Variants in MAP3K13 observed in about 807,000 individuals in gnomAD.
The protein encoded by MAP3K13 is leucine zipper-bearing kinase.
A neutral mutation model predicts 104.0 loss-of-function variants in MAP3K13; 52 were observed. The ratio of observed to expected loss-of-function variants is 0.50; its 90% CI spans 0.40 to 0.63. MAP3K13 has a LOEUF of 0.63. Among genes scored for constraint, MAP3K13 ranks in the 20% least tolerant of loss-of-function variants. The pLI, the probability that MAP3K13 is intolerant of heterozygous loss-of-function variation, is 0.00. For synonymous variants in MAP3K13, 394 were observed against 442.2 expected, an observed-to-expected ratio of 0.89 and a Z score of 1.37; for missense variants, 914 against 1,218.5, an observed-to-expected ratio of 0.75 and a Z score of 3.72.
chr3:185,398,559 A>AGATTGAGTTCT (rs1712565164), intron 1 of MAP3K13, among the ~76,000 whole-genome samples: 1 of 152,238 alleles, frequency 6.6e-6, no homozygotes, highest in African/African-American at 2.4e-5. Flanking sequence ...TGAGTTCTGA[A>AGATTGAGTTCT]GAGCAGGGAC....
chr3:185,447,448 C>T lies in MAP3K13; in HGVS notation c.852-341C>T, dbSNP rs142728066. On this transcript the variant is annotated intron_variant, in intron 4 of 13. Coordinates refer to ENST00000265026, the MANE Select transcript of MAP3K13 (RefSeq NM_004721.5). ...GGCAGAGGTTGCAGTCAGCTGAGATCGTGCCATTGCACTCCAGCCTGGGCG... is the reference window on the plus strand; with the variant it reads ...GGCAGAGGTTGCAGTCAGCTGAGATTGTGCCATTGCACTCCAGCCTGGGCG... Among the ~76,000 whole-genome samples the T allele has an allele frequency of 1.0e-2, 1,276 of 127,936 alleles. 21 individuals carry two copies. The highest frequency in any genetic ancestry group is 0.034 in the African/African-American group (1,155 of 33,910). The allele number at this position is 127,936 out of a possible 152,430, so 83.9% of individuals were successfully genotyped here.
At chr3:185,379,366 G>C (rs1232710819) in intron 1 of MAP3K13, among the ~76,000 whole-genome samples, 1 of 152,194 alleles carries the variant, frequency 6.6e-6, no homozygotes, top group Non-Finnish European at 1.5e-5. Flanking sequence ...TAAGAGAAGG[G>C]AGAGATTGAA....
intron 7 of MAP3K13, among the ~76,000 whole-genome samples, chr3:185,452,693 C>T (rs968906416): frequency 2.0e-5 from 3 of 152,158 alleles, no homozygotes; most frequent in African/African-American, 7.2e-5. Context: ...GCTGGCTGGT[C>T]CTAGGACGGT....
At chr3:185,402,751 A>T (rs1370308865) in intron 1 of MAP3K13, among the ~76,000 whole-genome samples, 1 of 152,134 alleles carries the variant, frequency 6.6e-6, no homozygotes, top group African/African-American at 2.4e-5. Context: ...CGCATGTGTA[A>T]AAAACCCAGC....
chr3:185,346,471 G>A (rs1157157042), intron 2 of MAP3K13, among the ~76,000 whole-genome samples: 1 of 152,108 alleles, frequency 6.6e-6, no homozygotes, highest in Admixed American at 6.5e-5. Context: ...ATTTTTACCT[G>A]TTCCTATACA....
chr3:185,425,090 C>CA (rs1714338888), intron 1 of MAP3K13, among the ~76,000 whole-genome samples: 1 of 152,146 alleles, frequency 6.6e-6, no homozygotes, highest in African/African-American at 2.4e-5. Flanking sequence ...ATTCAATAAA[C>CA]ACATTTTGAA....
chr3:185,353,005 G>A (rs532859802), intron 2 of MAP3K13, among the ~76,000 whole-genome samples: 5 of 152,312 alleles, frequency 3.3e-5, no homozygotes, highest in South Asian at 2.1e-4. Flanking sequence ...ACAATTACAC[G>A]TAATGGAAAA....
intron 11 of MAP3K13, 61 bp from the exon 12 acceptor site, chr3:185,477,265 G>A: frequency 9.7e-7 from 1 of 1,027,944 alleles, no homozygotes; most frequent in Non-Finnish European, 1.5e-6. Flanking sequence ...TAGTGGGGAT[G>A]GGGTGAGAGA....
intron 2 of MAP3K13, among the ~76,000 whole-genome samples, chr3:185,433,384 T>A (rs1338742136): frequency 6.6e-6 from 1 of 152,214 alleles, no homozygotes; most frequent in Non-Finnish European, 1.5e-5. Context: ...AGTTTGGGAC[T>A]AACTCTAGAG....
chr3:185,438,067 C>A (rs1715140125), intron 3 of MAP3K13, among the ~76,000 whole-genome samples: 2 of 152,186 alleles, frequency 1.3e-5, no homozygotes, highest in South Asian at 4.2e-4. Flanking sequence ...CCAAGGCAGG[C>A]AGATCACTTG....
intron 2 of MAP3K13, among the ~76,000 whole-genome samples, chr3:185,351,802 C>T (rs1042988950): frequency 1.3e-5 from 2 of 152,100 alleles, no homozygotes; most frequent in African/African-American, 4.8e-5. Flanking sequence ...AATTTGGTGC[C>T]TCATAAAAGG....
chr3:185,360,022 A>G (rs1723539763), upstream of MAP3K13, among the ~76,000 whole-genome samples: 2 of 151,410 alleles, frequency 1.3e-5, no homozygotes, highest in South Asian at 2.1e-4. Context: ...ATAGATTTTT[A>G]TCTAATAATG....
intron 7 of MAP3K13, among the ~76,000 whole-genome samples, chr3:185,459,252 C>A (rs1485301325): frequency 2.0e-5 from 3 of 152,004 alleles, no homozygotes; most frequent in Admixed American, 6.6e-5. Context: ...AGTCGTGTGC[C>A]CAGAAAGGGT....
chr3:185,392,023 G>A (rs1370552850), intron 1 of MAP3K13, among the ~76,000 whole-genome samples: 2 of 152,068 alleles, frequency 1.3e-5, no homozygotes, highest in Admixed American at 6.6e-5. Context: ...TAGAGAATTC[G>A]ACTTTCAGAA....
At chr3:185,345,336 C>T (rs923133748) in intron 2 of MAP3K13, among the ~76,000 whole-genome samples, 1 of 152,192 alleles carries the variant, frequency 6.6e-6, no homozygotes, top group East Asian at 1.9e-4. Flanking sequence ...TCAGCCATGA[C>T]CATCCCTCAC....
intron 10 of MAP3K13, 44 bp downstream of exon 10, chr3:185,467,007 G>C (rs572659346): frequency 8.7e-6 from 14 of 1,611,328 alleles, no homozygotes; most frequent in African/African-American, 6.7e-5. Context: ...AATAGGGAAA[G>C]ACCCACCCAC....
At chr3:185,452,129 C>CT in intron 7 of MAP3K13, among the ~76,000 whole-genome samples, 2 of 152,126 alleles carry the variant, frequency 1.3e-5, no homozygotes, top group Non-Finnish European at 1.5e-5. Flanking sequence ...TAGAGAGAAC[C>CT]TTTTCTCTAA....
At chr3:185,330,373 C>A (rs1722219801) in intron 2 of MAP3K13, among the ~76,000 whole-genome samples, 1 of 151,996 alleles carries the variant, frequency 6.6e-6, no homozygotes, top group South Asian at 2.1e-4. Context: ...TGCTGGGCCC[C>A]AACTGAATCT....
At chr3:185,352,636 C>T (rs966754450) in intron 2 of MAP3K13, among the ~76,000 whole-genome samples, 22 of 152,144 alleles carry the variant, frequency 1.4e-4, no homozygotes, top group Admixed American at 5.2e-4. Context: ...TGAGATCAGG[C>T]TCTGTGATTT....
Sources: gnomAD v4.1 joint callset for allele counts (sites outside exome capture counted in the v4.1 genomes callset) on GRCh38, gnomAD v4.1.1 for gene constraint, MANE v1.5 for transcripts, NCBI Gene and HGNC (gene_info 2026-07-23, HGNC 2026-07-21) for gene names.